The following STAG1 variants were observed in gnomAD, a reference collection of about 807,000 sequenced individuals.
The protein encoded by STAG1 is cohesin subunit SA-1.
STAG1 carries 26 observed loss-of-function variants against 170.9 expected under a neutral mutation model. The ratio of observed to expected loss-of-function variants is 0.15; its 90% confidence interval spans 0.11 to 0.21. STAG1 has a LOEUF of 0.21. Among genes scored for constraint, STAG1 ranks in the 10% least tolerant of loss-of-function variants. The pLI, the probability that STAG1 is intolerant of heterozygous loss-of-function variation, is 1.00. For synonymous variants in STAG1, 514 were observed against 497.7 expected (o/e 1.03, Z -0.44); for missense variants, 964 against 1,509.5 (o/e 0.64, Z 5.99).
intron 1 of STAG1, among the ~76,000 whole-genome samples, chr3:136,650,180 G>A (rs1198123330): frequency 6.6e-6 from 1 of 151,050 alleles, no homozygotes; most frequent in Non-Finnish European, 1.5e-5. Context: ...AGGCTGCAGT[G>A]AGCTATGGTT....
At chr3:136,429,149 G>A (rs1219220209) in intron 16 of STAG1, among the ~76,000 whole-genome samples, 1 of 151,648 alleles carries the variant, frequency 6.6e-6, no homozygotes, top group Non-Finnish European at 1.5e-5. Flanking sequence ...GCTCACACCT[G>A]TAATCCCAGC....
intron 1 of STAG1, among the ~76,000 whole-genome samples, chr3:136,642,140 CTA>C (rs1439548064): frequency 6.6e-6 from 1 of 152,026 alleles, no homozygotes; most frequent in African/African-American, 2.4e-5. Context: ...AATATGGTGT[CTA>C]TCTCTTGAAG....
chr3:136,346,147 T>C (rs1354245282), intron 29 of STAG1, among the ~76,000 whole-genome samples: 1 of 152,258 alleles, frequency 6.6e-6, no homozygotes, highest in Non-Finnish European at 1.5e-5. Context: ...CACAACCTCC[T>C]GTGTTTGGCA....
At chr3:136,414,446 G>C (rs912501034) in intron 21 of STAG1, among the ~76,000 whole-genome samples, 4 of 152,144 alleles carry the variant, frequency 2.6e-5, no homozygotes, top group Non-Finnish European at 4.4e-5. Context: ...AGTTTGAGCA[G>C]GAGATAGCAG....
intron 23 of STAG1, among the ~76,000 whole-genome samples, chr3:136,372,073 T>G (rs1014664871): frequency 6.6e-6 from 1 of 152,212 alleles, no homozygotes; most frequent in African/African-American, 2.4e-5. Flanking sequence ...GTCCTTCACA[T>G]CCCTTGTGAG....
chr3:136,439,194 C>CA (rs1163622178), intron 15 of STAG1, among the ~76,000 whole-genome samples: 872 of 63,260 alleles, frequency 0.014, 11 homozygotes, highest in East Asian at 0.058. Flanking sequence ...GACCCAGACT[C>CA]AAAAAAAAAA....
At chr3:136,662,706 A>G (rs1266314877) in intron 1 of STAG1, among the ~76,000 whole-genome samples, 2 of 152,090 alleles carry the variant, frequency 1.3e-5, no homozygotes, top group African/African-American at 4.8e-5. Context: ...CAGCCCCCCA[A>G]AGTACTAGGA....
At chr3:136,696,772 T>C (rs1942907290) in intron 1 of STAG1, among the ~76,000 whole-genome samples, 1 of 152,168 alleles carries the variant, frequency 6.6e-6, no homozygotes, top group South Asian at 2.1e-4. Flanking sequence ...GAAGCCAGGC[T>C]AAAAAGGTTA....
chr3:136,590,970 T>C (rs766196396), intron 4 of STAG1, among the ~76,000 whole-genome samples: 34 of 151,930 alleles, frequency 2.2e-4, no homozygotes, highest in Non-Finnish European at 3.8e-4. Context: ...AAAAGCTGTA[T>C]TGGTTTTGGT....
chr3:136,398,931 T>C (rs1463718606), intron 21 of STAG1, 102 bp from the exon 22 acceptor site: 10 of 591,974 alleles, frequency 1.7e-5, no homozygotes, highest in Non-Finnish European at 2.4e-5. Flanking sequence ...TGTTATTTTA[T>C]AGTATAGCTT....
At chr3:136,528,632 A>G (rs1333280388) in intron 6 of STAG1, among the ~76,000 whole-genome samples, 1 of 151,814 alleles carries the variant, frequency 6.6e-6, no homozygotes, top group Non-Finnish European at 1.5e-5. Context: ...TAAACCAAAA[A>G]TTTACCAAAG....
At chr3:136,468,905 A>T (rs2089547085) in intron 12 of STAG1, among the ~76,000 whole-genome samples, 1 of 152,208 alleles carries the variant, frequency 6.6e-6, no homozygotes, top group Non-Finnish European at 1.5e-5. Context: ...ATCTCAATAC[A>T]TGCAGAAAAG....
chr3:136,464,326 G>C (rs528162837), intron 13 of STAG1, among the ~76,000 whole-genome samples: 5 of 152,160 alleles, frequency 3.3e-5, no homozygotes, highest in Non-Finnish European at 7.4e-5. Context: ...GGGAAGCTGA[G>C]GTAGGATAAT....
In STAG1 at chr3:136,572,097, C is replaced by T. The variant is rs557506631; in HGVS notation, c.298-3236G>A. 1.5e-4 allele frequency among the ~76,000 whole-genome samples: 23 copies of T among 152,236 alleles called. No individual in the cohort carries two copies. In the East Asian group the frequency reaches 3.7e-3, roughly 24 times the overall value. ...AGGCATGGTGGCACATGCCTGTAAT[C>T]CCAGTTACTTAGGAGGCTGAGGCAC... On this transcript the variant is annotated intron_variant, in intron 4 of 33. Transcript: ENST00000383202.
chr3:136,561,685 A>T (rs1936846228), intron 5 of STAG1, among the ~76,000 whole-genome samples: 1 of 152,158 alleles, frequency 6.6e-6, no homozygotes, highest in Admixed American at 6.5e-5. Flanking sequence ...ATTACTTTTT[A>T]TTGTCCAAAT....
chr3:136,636,242 C>CTT (rs1940551561), intron 1 of STAG1, among the ~76,000 whole-genome samples: 1 of 151,228 alleles, frequency 6.6e-6, no homozygotes, highest in Non-Finnish European at 1.5e-5. Context: ...GAAAGAAACT[C>CTT]TGTCTCAAAA....
intron 1 of STAG1, among the ~76,000 whole-genome samples, chr3:136,644,594 A>G (rs913645262): frequency 2.0e-5 from 3 of 152,250 alleles, no homozygotes; most frequent in Non-Finnish European, 4.4e-5. Context: ...GTAGGTTAGT[A>G]TAGCATAATA....
intron 6 of STAG1, among the ~76,000 whole-genome samples, chr3:136,540,350 T>G (rs1935832455): frequency 6.6e-6 from 1 of 152,090 alleles, no homozygotes; most frequent in South Asian, 2.1e-4. Context: ...AATGGTGATT[T>G]TAAAAAAGTC....
intron 1 of STAG1, among the ~76,000 whole-genome samples, chr3:136,646,248 C>G (rs1435014139): frequency 6.6e-6 from 1 of 152,258 alleles, no homozygotes; most frequent in East Asian, 1.9e-4. Flanking sequence ...TTCCACCTCC[C>G]AAAATGTTGG....
Sources: gnomAD v4.1 joint callset for allele counts (sites outside exome capture counted in the v4.1 genomes callset) on GRCh38, gnomAD v4.1.1 for gene constraint, MANE v1.5 for transcripts, NCBI Gene and HGNC (gene_info 2026-07-23, HGNC 2026-07-21) for gene names.